RBFOX1: variants seen among roughly 807,000 people sequenced by gnomAD.
The protein encoded by RBFOX1 is RNA binding protein fox-1 homolog 1.
In RBFOX1, 8 loss-of-function variants were observed where a neutral mutation model predicts 57.7. The observed-to-expected ratio is 0.14, with a 90% CI of 0.08 to 0.25. The LOEUF (loss-of-function observed/expected upper bound fraction) is 0.25, where lower values mean the gene tolerates loss of function less well. RBFOX1 is among the 10% of genes least tolerant of loss of function. The probability of loss-of-function intolerance (pLI) is 1.00; values close to 1 mark genes in which losing one functional copy is unlikely to be tolerated. For missense variants in RBFOX1, 611 were observed against 548.5 expected, an observed-to-expected ratio of 1.11 and a Z score of -1.14; for synonymous variants, 326 against 222.4, an observed-to-expected ratio of 1.47 and a Z score of -4.15.
intron 3 of RBFOX1, among the ~76,000 whole-genome samples, chr16:6,886,659 G>T (rs1291949409): frequency 6.6e-6 from 1 of 151,856 alleles, no homozygotes; most frequent in African/African-American, 2.4e-5. Flanking sequence ...GGAGGCTGAG[G>T]CACAAGAATC....
intron 1 of RBFOX1, among the ~76,000 whole-genome samples, chr16:5,333,402 A>G (rs2064811431): frequency 6.6e-6 from 1 of 151,672 alleles, no homozygotes; most frequent in Non-Finnish European, 1.5e-5. Flanking sequence ...TGAGACAGAG[A>G]CTGTCAGGTC....
At chr16:6,991,352 A>T (rs182564999) in intron 3 of RBFOX1, among the ~76,000 whole-genome samples, 2 of 152,186 alleles carry the variant, frequency 1.3e-5, no homozygotes, top group African/African-American at 4.8e-5. Context: ...ATACATCTGT[A>T]TGTACAGGCC....
At chr16:6,886,597 A>AC (rs1603636732) in intron 3 of RBFOX1, among the ~76,000 whole-genome samples, 2 of 151,974 alleles carry the variant, frequency 1.3e-5, no homozygotes, top group East Asian at 2.0e-4. Flanking sequence ...TACTAAAAAT[A>AC]GAAAAAAATT....
intron 3 of RBFOX1, among the ~76,000 whole-genome samples, chr16:6,993,903 A>G (rs1028048832): frequency 2.6e-5 from 4 of 152,158 alleles, no homozygotes; most frequent in South Asian, 4.1e-4. Context: ...AATGTATCTC[A>G]TATTGTATTG....
At chr16:5,713,772 A>G (rs1267542194) in intron 3 of RBFOX1, among the ~76,000 whole-genome samples, 1 of 152,120 alleles carries the variant, frequency 6.6e-6, no homozygotes, top group African/African-American at 2.4e-5. Flanking sequence ...TCCCTGGAAC[A>G]TTGGCTTGAT....
intron 4 of RBFOX1, among the ~76,000 whole-genome samples, chr16:5,895,353 G>C (rs1182635127): frequency 1.3e-5 from 2 of 152,268 alleles, no homozygotes; most frequent in East Asian, 1.9e-4. Context: ...TACATTATCT[G>C]TCTCAGATAT....
chr16:7,144,214 T>G (rs2074426966), intron 4 of RBFOX1, among the ~76,000 whole-genome samples: 1 of 152,080 alleles, frequency 6.6e-6, no homozygotes, highest in Admixed American at 6.5e-5. Flanking sequence ...TCTTAAAGAT[T>G]TCCTCATTTT....
chr16:5,678,346 C>T (rs1478553107), intron 3 of RBFOX1, among the ~76,000 whole-genome samples: 4 of 152,202 alleles, frequency 2.6e-5, no homozygotes, highest in African/African-American at 9.6e-5. Context: ...GCCTCTGTTG[C>T]AATTTGTTGA....
chr16:6,903,835 G>T lies in RBFOX1; in HGVS notation c.-15-148222G>T, dbSNP rs376790697. Among the ~76,000 whole-genome samples the T allele has an allele frequency of 4.4e-4, 67 of 152,280 alleles. 2 individuals carry two copies. Among genetic ancestry groups the T allele is most frequent in the African/African-American group, 1.5e-3 (63 of 41,570 alleles). ...CAATTGCATCCCCAACAGGCGGGCT[G>T]TAAAGGGAATGCACGTCATTACTTG... is the stretch of plus-strand genomic sequence containing the variant. On this transcript the variant is annotated intron_variant, in intron 3 of 15. Transcript: ENST00000550418.
chr16:7,606,537 T>C (rs1192558765), intron 9 of RBFOX1, among the ~76,000 whole-genome samples: 1 of 152,264 alleles, frequency 6.6e-6, no homozygotes. Context: ...ATATATGTAA[T>C]GTGCTTTCCA....
intron 3 of RBFOX1, among the ~76,000 whole-genome samples, chr16:6,903,335 G>C (rs140618475): frequency 6.6e-5 from 10 of 152,324 alleles, no homozygotes; most frequent in African/African-American, 2.4e-4. Flanking sequence ...GAGTAAGGAA[G>C]GCGGTGCTTA....
At chr16:7,614,361 CTGTCT>C (rs2058076075) in intron 10 of RBFOX1, 1 of 152,192 alleles carries the variant, frequency 6.6e-6, no homozygotes, top group Non-Finnish European at 1.5e-5. Flanking sequence ...CTCCCCTCTT[CTGTCT>C]TATCAGATTT....
intron 3 of RBFOX1, chr16:5,632,694 T>A (rs1002665349): frequency 5.9e-5 from 9 of 152,168 alleles, no homozygotes; most frequent in African/African-American, 2.2e-4. Flanking sequence ...TTGGGAAGGT[T>A]TAATACAGCC....
At chr16:6,777,099 G>A (rs538377805) in intron 3 of RBFOX1, among the ~76,000 whole-genome samples, 1 of 152,056 alleles carries the variant, frequency 6.6e-6, no homozygotes, top group Non-Finnish European at 1.5e-5. Context: ...ACTCAATTTA[G>A]TAAAATACGA....
intron 2 of RBFOX1, among the ~76,000 whole-genome samples, chr16:5,500,591 C>A (rs2043160024): frequency 6.6e-6 from 1 of 152,194 alleles, no homozygotes; most frequent in African/African-American, 2.4e-5. Context: ...TCTCTGCCAT[C>A]AGCTATGTCA....
intron 1 of RBFOX1, among the ~76,000 whole-genome samples, chr16:6,087,942 C>T (rs1418499842): frequency 1.3e-5 from 2 of 152,200 alleles, no homozygotes; most frequent in Non-Finnish European, 2.9e-5. Flanking sequence ...TCAGCCACCA[C>T]ACCCAGCCTT....
At chr16:7,086,379 T>G (rs2059982201) in intron 4 of RBFOX1, among the ~76,000 whole-genome samples, 1 of 152,156 alleles carries the variant, frequency 6.6e-6, no homozygotes, top group Admixed American at 6.5e-5. Flanking sequence ...CTGTACATTG[T>G]ATGTTTTAAT....
At chr16:5,583,415 TGTTCAAACTGC>T (rs1363019408) in intron 2 of RBFOX1, among the ~76,000 whole-genome samples, 11 of 152,164 alleles carry the variant, frequency 7.2e-5, no homozygotes, top group Admixed American at 1.3e-4. Flanking sequence ...GACTGCTGAG[TGTTCAAACTGC>T]GTTCAAATAA....
At chr16:6,134,076 A>G (rs1266175528) in intron 1 of RBFOX1, among the ~76,000 whole-genome samples, 1 of 151,858 alleles carries the variant, frequency 6.6e-6, no homozygotes, top group East Asian at 1.9e-4. Flanking sequence ...AACTGAGATT[A>G]CAGATGTATG....
Sources: allele counts gnomAD v4.1 joint callset (sites outside exome capture counted in the v4.1 genomes callset), GRCh38; gene constraint gnomAD v4.1.1; transcripts MANE v1.5; gene names NCBI Gene and HGNC (gene_info 2026-07-23, HGNC 2026-07-21).